SCARB1: variants seen among roughly 807,000 people sequenced by gnomAD.
SCARB1 encodes the protein CD36 and LIMPII analogous 1.
SCARB1 carries 30 observed loss-of-function variants against 57.2 expected under a neutral mutation model. The observed-to-expected ratio is 0.52, with a 90% confidence interval of 0.39 to 0.71. The LOEUF (loss-of-function observed/expected upper bound fraction) is 0.71. SCARB1 is among the 30% of genes least tolerant of loss of function. The pLI, the probability that SCARB1 is intolerant of heterozygous loss-of-function variation, is 0.00. For missense variants in SCARB1, 543 were observed against 671.2 expected, an observed-to-expected ratio of 0.81 and a Z score of 2.11; for synonymous variants, 249 against 268.3, an observed-to-expected ratio of 0.93 and a Z score of 0.70.
chr12:124,849,211 G>A (rs1350406600), intron 1 of SCARB1, among the ~76,000 whole-genome samples: 1 of 152,174 alleles, frequency 6.6e-6, no homozygotes, highest in Non-Finnish European at 1.5e-5. Context: ...CCTGCCAAAG[G>A]CTGGAGAGAA....
At position 124,812,452 on chromosome 12, in the gene SCARB1, C is replaced by T. The variant is rs749201657; in HGVS notation, c.631-487G>A. 3.3e-5 allele frequency among the ~76,000 whole-genome samples: 5 copies of T among 152,330 alleles called. No individual in the cohort carries two copies. Among genetic ancestry groups the T allele is most frequent in the Non-Finnish European group, 7.3e-5 (5 of 68,032 alleles). On this transcript the variant is annotated intron_variant, in intron 4 of 12. Transcript: ENST00000261693. The surrounding 1 kb of genome is among the most constrained non-coding windows in gnomAD (Gnocchi z 4.3). ...TGGATCCCCAAGTGACCACCACAAG[C>T]GCGGGTGCCCCAGTCACCCACACTG... is the stretch of plus-strand genomic sequence containing the variant.
At chr12:124,832,766 C>T (rs1164942168) in intron 1 of SCARB1, among the ~76,000 whole-genome samples, 1 of 152,174 alleles carries the variant, frequency 6.6e-6, no homozygotes, top group Non-Finnish European at 1.5e-5. Flanking sequence ...TTTATTTAAG[C>T]CCACCCAAAC....
At chr12:124,797,785 G>A (rs879423595) in intron 8 of SCARB1, among the ~76,000 whole-genome samples, 1 of 152,218 alleles carries the variant, frequency 6.6e-6, no homozygotes, top group African/African-American at 2.4e-5. Context: ...GGGCCGAGAG[G>A]GCCTAGTCAG....
chr12:124,861,592 C>T (rs1028267753), intron 1 of SCARB1, among the ~76,000 whole-genome samples: 6 of 152,238 alleles, frequency 3.9e-5, no homozygotes, highest in African/African-American at 1.4e-4. Flanking sequence ...CCCGCCTGGT[C>T]CCCTGAACAC....
chr12:124,817,473 C>A lies in SCARB1; in HGVS notation c.284+77G>T. On this transcript the variant is annotated intron_variant, in intron 2 of 12. Coordinates refer to ENST00000261693, the MANE Select transcript of SCARB1 (RefSeq NM_005505.5). This position sits in a 1 kb window ranked among gnomAD's most constrained non-coding sequence, Gnocchi z 4.8. ...CTCTGGGGCTCAGTCAGCAGCCTCC[C>A]CATCCCGTCCACTCTGAGACCCCTC... 6.9e-7 allele frequency: 1 copy of A among 1,454,650 alleles called. No individual in the cohort carries two copies. Among genetic ancestry groups the A allele is most frequent in the South Asian group, 1.2e-5 (1 of 86,134 alleles). The allele number at this position is 1,454,650 out of a possible 1,614,324, so 90.1% of individuals were successfully genotyped here.
At chr12:124,829,899 T>G (rs958740435) in intron 1 of SCARB1, among the ~76,000 whole-genome samples, 9 of 152,242 alleles carry the variant, frequency 5.9e-5, no homozygotes, top group Admixed American at 2.6e-4. Flanking sequence ...CTCCCTGACA[T>G]TATCAATATC....
chr12:124,840,956 G>A (rs575693853), intron 1 of SCARB1, among the ~76,000 whole-genome samples: 1 of 151,784 alleles, frequency 6.6e-6, no homozygotes, highest in Non-Finnish European at 1.5e-5. Flanking sequence ...ATCACCTGAG[G>A]TCAGGGGTTC....
chr12:124,844,266 T>C (rs1267046693), intron 1 of SCARB1, among the ~76,000 whole-genome samples: 1 of 152,146 alleles, frequency 6.6e-6, no homozygotes. Context: ...ACGAGGAATG[T>C]TGACACGAGT....
At chr12:124,778,617 C>A in intron 12 of SCARB1, 31 bp from the exon 13 acceptor site, 1 of 1,411,922 alleles carries the variant, frequency 7.1e-7, no homozygotes, top group Non-Finnish European at 9.2e-7. Flanking sequence ...GGGTGACCAC[C>A]CACGCCCTGT....
At chr12:124,781,185 C>T (rs1873401193) in intron 12 of SCARB1, among the ~76,000 whole-genome samples, 1 of 152,230 alleles carries the variant, frequency 6.6e-6, no homozygotes, top group Admixed American at 6.5e-5. Flanking sequence ...CGCCTGCCAA[C>T]GCCAACAGGC....
Position 124,786,350 on chromosome 12 carries a change from C to T in SCARB1, c.1401+7G>A, listed in dbSNP as rs1309560189. The T allele has an allele frequency of 6.2e-7, 1 of 1,613,618 alleles. No homozygotes were observed. The highest frequency in any genetic ancestry group is 2.2e-5 in the East Asian group (1 of 44,878). ...TCAGCCCGGGCTGCCCTCTGGCCAG[C>T]ACCTACTTGGCTCCGGATTTGGCAG... On this transcript the variant is annotated splice_region_variant and intron_variant, in intron 11 of 12. Coordinates refer to ENST00000261693, the MANE Select transcript of SCARB1 (RefSeq NM_005505.5).
chr12:124,858,399 C>T (rs1447880785), intron 1 of SCARB1, among the ~76,000 whole-genome samples: 1 of 152,148 alleles, frequency 6.6e-6, no homozygotes, highest in Non-Finnish European at 1.5e-5. Flanking sequence ...CCTGTCCAAA[C>T]ACCTCTCTCC....
chr12:124,806,901 TC>T (rs1452272098), intron 7 of SCARB1, among the ~76,000 whole-genome samples: 1 of 151,132 alleles, frequency 6.6e-6, no homozygotes, highest in African/African-American at 2.4e-5. Context: ...ATACCTTGTC[TC>T]AAAATATAAA....
intron 8 of SCARB1, among the ~76,000 whole-genome samples, chr12:124,795,746 G>A (rs1388744553): frequency 1.3e-5 from 2 of 152,256 alleles, no homozygotes; most frequent in Admixed American, 6.5e-5. Flanking sequence ...TCTCAGCCAG[G>A]TGTTTGCATG....
In SCARB1 at chr12:124,817,355, A is replaced by T. The variant is rs1950778090; in HGVS notation, c.284+195T>A. 7.9e-5 allele frequency among the ~76,000 whole-genome samples: 3 copies of T among 37,994 alleles called. No individual in the cohort carries two copies. The highest frequency in any genetic ancestry group is 5.2e-4 in the Admixed American group (2 of 3,844). The allele number at this position is 37,994 out of a possible 152,430, so 24.9% of individuals were successfully genotyped here. ...GCAACATAGCAAGATCCCATCTCTA[A>T]AAAAAAAAAAAAAAAAAAAAAAAAC... On this transcript the variant is annotated intron_variant, in intron 2 of 12. Coordinates refer to ENST00000261693, the MANE Select transcript of SCARB1 (RefSeq NM_005505.5). The surrounding 1 kb of genome is among the most constrained non-coding windows in gnomAD (Gnocchi z 4.8).
Position 124,778,860 on chromosome 12 carries a change from A to C in SCARB1, c.*1-274T>G, listed in dbSNP as rs140557282. ...AGAGACTTAATACAGTGAGGGGCAGAGCAAGGGGGGCGGCCTGTGTGCAGC... is the reference window on the plus strand; with the variant it reads ...AGAGACTTAATACAGTGAGGGGCAGCGCAAGGGGGGCGGCCTGTGTGCAGC... On this transcript the variant is annotated intron_variant, in intron 12 of 12. Transcript: ENST00000261693. 5.1e-3 allele frequency among the ~76,000 whole-genome samples: 780 copies of C among 152,308 alleles called. 8 individuals are homozygous for C. The highest frequency in any genetic ancestry group is 0.018 in the African/African-American group (748 of 41,564).
intron 10 of SCARB1, 69 bp downstream of exon 10, chr12:124,787,336 GC>G: frequency 7.0e-7 from 1 of 1,432,202 alleles, no homozygotes; most frequent in Non-Finnish European, 9.8e-7. Flanking sequence ...TGCTCCCCCC[GC>G]CTCCTGCCTC....
intron 9 of SCARB1, among the ~76,000 whole-genome samples, chr12:124,792,235 C>G (rs1949759200): frequency 6.6e-6 from 1 of 152,140 alleles, no homozygotes; most frequent in African/African-American, 2.4e-5. Context: ...CGAGACAGCT[C>G]TGCTTCCCGG....
chr12:124,821,358 C>G, intron 1 of SCARB1: 4 of 985,188 alleles, frequency 4.1e-6, no homozygotes, highest in Non-Finnish European at 2.4e-6. Context: ...GCTGGAGATA[C>G]CTTTCTCCTT....
Sources: gnomAD v4.1 joint callset for allele counts (sites outside exome capture counted in the v4.1 genomes callset) on GRCh38, gnomAD v4.1.1 for gene constraint, Gnocchi (gnomAD v3.1) non-coding constraint, MANE v1.5 for transcripts, NCBI Gene and HGNC (gene_info 2026-07-23, HGNC 2026-07-21) for gene names.